The following UBR4 variants were observed in gnomAD, a reference collection of about 807,000 sequenced individuals.
UBR4 encodes E3 ubiquitin-protein ligase UBR4.
UBR4 carries 124 observed loss-of-function variants against 575.6 expected under a neutral mutation model. The ratio of observed to expected loss-of-function variants is 0.22; its 90% confidence interval spans 0.19 to 0.25. UBR4 has a LOEUF of 0.25. Ranked by LOEUF, UBR4 falls within the 10% of genes least tolerant of loss-of-function variation. The probability of loss-of-function intolerance (pLI) is 1.00; values close to 1 mark genes in which losing one functional copy is unlikely to be tolerated. For missense variants in UBR4, 4,818 were observed against 6,478.8 expected (o/e 0.74, Z 8.80); for synonymous variants, 2,455 against 2,473.7 (o/e 0.99, Z 0.22).
rs113236756 is a variant in UBR4, at chr1:19,173,511, G to A, written c.3093C>T (p.Ser1031=). ...NQLSMNSPEM[S]ECDILHTLRW... ...GCAGAGTGTGCAAGATGTCACATTC[G>A]CTCATCTCAGGTGAGTTCATGGATA... Residue 1031 remains serine, a synonymous_variant, in exon 23 of 106, where the codon AGC becomes AGT. Transcript: ENST00000375254. 136 of 1,614,122 alleles carry A rather than the reference G, an allele frequency of 8.4e-5. 1 individual carries two copies. In the African/African-American group the frequency reaches 1.4e-3, roughly 17 times the overall value.
intron 94 of UBR4, 68 bp downstream of exon 94, chr1:19,094,838 C>A: frequency 6.3e-7 from 1 of 1,587,514 alleles, no homozygotes; most frequent in South Asian, 1.1e-5. Context: ...CACAAACAGG[C>A]CTGTTGTGGG....
In UBR4 at chr1:19,157,741, G is replaced by T; in HGVS notation, c.5760+74C>A. The T allele has an allele frequency of 6.5e-7, 1 of 1,547,030 alleles. No individual in the cohort carries two copies. Among genetic ancestry groups the T allele is most frequent in the South Asian group, 1.2e-5 (1 of 82,356 alleles). On this transcript the variant is annotated intron_variant, in intron 40 of 105. Coordinates refer to ENST00000375254, the MANE Select transcript of UBR4 (RefSeq NM_020765.3). This position sits in a 1 kb window ranked among gnomAD's most constrained non-coding sequence, Gnocchi z 4.4. The stretch of plus-strand genomic sequence containing the variant: ...TCCCACAGAGGGCTAATCCGAATGT[G>T]GTCATCAATTTGTTTTGCTTAGCAT...
intron 33 of UBR4, 23 bp downstream of exon 33, chr1:19,164,230 C>T (rs2087909387): frequency 4.4e-6 from 7 of 1,602,832 alleles, no homozygotes; most frequent in Non-Finnish European, 6.0e-6. Flanking sequence ...TTGTAACCTA[C>T]AGATACAACT....
chr1:19,198,478 C>A, intron 5 of UBR4, 63 bp downstream of exon 5: 1 of 1,559,626 alleles, frequency 6.4e-7, no homozygotes, highest in Non-Finnish European at 8.7e-7. Flanking sequence ...CACTTTTTCT[C>A]CCCTAGTGTT....
At chr1:19,095,723 G>C (rs1432691110) in intron 92 of UBR4, 71 bp from the exon 93 acceptor site, 6 of 1,423,060 alleles carry the variant, frequency 4.2e-6, no homozygotes, top group African/African-American at 2.8e-5. Flanking sequence ...AGTAGGAAAG[G>C]GATGTCTAAG....
intron 8 of UBR4, among the ~76,000 whole-genome samples, chr1:19,196,402 C>T (rs1274995601): frequency 2.0e-5 from 3 of 152,184 alleles, no homozygotes; most frequent in African/African-American, 7.2e-5. Context: ...AGACTATCTG[C>T]TCAAATCTTC....
chr1:19,141,421 T>C lies in UBR4; in HGVS notation c.8414A>G (p.Asp2805Gly). 6.2e-7 allele frequency: 1 copy of C among 1,614,238 alleles called. No individual in the cohort carries two copies. The highest frequency in any genetic ancestry group is 8.5e-7 in the Non-Finnish European group (1 of 1,180,034). ...CTCGTCATCTGCATCAGGTGGGATG[T>C]CCAGCATGGGGGGGAAGCCCTCTGC... The part of the protein sequence containing the change: ...AGAEGFPPML[D>G]IPPDADDETM... Residue 2805 changes from aspartate to glycine, a missense_variant, in exon 57 of 106, where the codon GAC (aspartate) becomes GGC (glycine). Coordinates refer to ENST00000375254, the MANE Select transcript of UBR4 (RefSeq NM_020765.3).
intron 14 of UBR4, 48 bp downstream of exon 14, chr1:19,186,492 T>C: frequency 6.4e-7 from 1 of 1,554,288 alleles, no homozygotes; most frequent in East Asian, 2.3e-5. Context: ...AACACTCCTG[T>C]TGCACTCTAT....
In UBR4 at chr1:19,076,856, G is replaced by C. The variant is rs1227346416; in HGVS notation, c.15371C>G (p.Ala5124Gly). The C allele has an allele frequency of 6.2e-7, 1 of 1,609,228 alleles. No homozygotes were observed. Among genetic ancestry groups the C allele is most frequent in the South Asian group, 1.1e-5 (1 of 90,348 alleles). Residue 5124 changes from alanine (A) to glycine (G), a missense_variant, in exon 105 of 106, where the codon GCT (alanine) becomes GGT (glycine). This residue lies in a region of UBR4 where 212 missense variants were observed against 221.3 expected (regional missense o/e 0.96). Coordinates refer to ENST00000375254, the MANE Select transcript of UBR4 (RefSeq NM_020765.3). ...NTEGGWSCSL[A>G]EYIRHNDMPI... ...CATGTCGTTGTGGCGGATGTACTCA[G>C]CGAGAGAGCAGGACCAGCCTCCCTC...
intron 104 of UBR4, 63 bp downstream of exon 104, chr1:19,077,913 G>C (rs1279597447): frequency 6.2e-7 from 1 of 1,611,944 alleles, no homozygotes; most frequent in African/African-American, 1.3e-5. Flanking sequence ...CAGAGTCAGG[G>C]ACAGGAGTGC....
chr1:19,190,312 A>AAAAAAAAAAAAAAAAT, intron 11 of UBR4, among the ~76,000 whole-genome samples: 1 of 79,922 alleles, frequency 1.3e-5, no homozygotes, highest in Non-Finnish European at 2.3e-5. Context: ...AAAAAAAAAA[A>AAAAAAAAAAAAAAAAT]ATATATATAT....
chr1:19,117,622 A>T lies in UBR4; in HGVS notation c.10629+201T>A, dbSNP rs1570686073. Among the ~76,000 whole-genome samples the T allele has an allele frequency of 6.6e-6, 1 of 152,152 alleles. No homozygotes were observed. Among genetic ancestry groups the T allele is most frequent in the Non-Finnish European group, 1.5e-5 (1 of 68,022 alleles). On this transcript the variant is annotated intron_variant, in intron 72 of 105. Coordinates refer to ENST00000375254, the MANE Select transcript of UBR4 (RefSeq NM_020765.3). The surrounding 1 kb of genome is among the most constrained non-coding windows in gnomAD (Gnocchi z 4.0). ...GGGGATCCTCCCATCTTAGCCTCCCAAAGTACTGGGATTATAGGCTTGAGC... is the reference window on the plus strand; with the variant it reads ...GGGGATCCTCCCATCTTAGCCTCCCTAAGTACTGGGATTATAGGCTTGAGC...
intron 11 of UBR4, 126 bp downstream of exon 11, chr1:19,192,062 T>C: frequency 3.2e-6 from 3 of 924,308 alleles, no homozygotes; most frequent in Non-Finnish European, 4.8e-6. Flanking sequence ...ATTATCTTAG[T>C]TGCTAAATTC....
Position 19,164,861 on chromosome 1 carries a change from A to T in UBR4, c.4449T>A (p.Asp1483Glu). 6.2e-7 allele frequency: 1 copy of T among 1,614,206 alleles called. No homozygotes were observed. Among genetic ancestry groups the T allele is most frequent in the South Asian group, 1.1e-5 (1 of 91,082 alleles). The change falls in exon 32 of 106, where the codon GAT (aspartate) becomes GAA (glutamate). Residue 1483 changes from aspartate (D) to glutamate (E), a missense_variant. Coordinates refer to ENST00000375254, the MANE Select transcript of UBR4 (RefSeq NM_020765.3). ...GCAGCTGCCGGTTCTCCTGAATTAC[A>T]TCCAGCTGATCAGAATCTTTTGGGG... ...TSPPKDSDQL[D>E]VIQENRQLLQ...
In UBR4 at chr1:19,153,873, G is replaced by A. The variant is rs751172887; in HGVS notation, c.6525C>T (p.Gly2175=). 1.4e-5 allele frequency: 23 copies of A among 1,614,180 alleles called. No homozygotes were observed. The highest frequency in any genetic ancestry group is 1.3e-5 in the Non-Finnish European group (15 of 1,180,014). The change falls in exon 45 of 106, where the codon GGC becomes GGT. Residue 2175 remains glycine, a synonymous_variant. Transcript: ENST00000375254. The surrounding 1 kb of genome is among the most constrained non-coding windows in gnomAD (Gnocchi z 4.1). ...TAGTTTGCTGGACACAGCACACCAA[G>A]CCAGGGTGGTTCATCACCTCAGACC... ...CQWSEVMNHP[G]LVCCVQQTTG...
intron 44 of UBR4, 64 bp downstream of exon 44, chr1:19,154,854 G>A: frequency 6.3e-7 from 1 of 1,598,494 alleles, no homozygotes; most frequent in Non-Finnish European, 8.6e-7. Context: ...GCAGATAGTG[G>A]GAGTGGAGAT....
rs1252464823 is a variant in UBR4 at position 19,201,802 on chromosome 1, G to A, written c.190C>T (p.Leu64=). 1.2e-6 allele frequency: 2 copies of A among 1,613,914 alleles called. No individual in the cohort carries two copies. Among genetic ancestry groups the A allele is most frequent in the Non-Finnish European group, 1.7e-6 (2 of 1,179,870 alleles). ...GGCTCGTACTGCTTCTCATGGTGCAGGATTTCTGATTCACTGTAAAAATAA... is the reference window on the plus strand; with the variant it reads ...GGCTCGTACTGCTTCTCATGGTGCAAGATTTCTGATTCACTGTAAAAATAA... ...ASVIESESEI[L]HHEKQYEPFY... The change falls in exon 2 of 106, where the codon CTG becomes TTG. Residue 64 remains leucine, a synonymous_variant. Transcript: ENST00000375254.
rs762136844 is a variant in UBR4 at position 19,173,322 on chromosome 1, GAA to G, written c.3166-18_3166-17del. 1 of 1,613,450 alleles carries G rather than the reference GAA, an allele frequency of 6.2e-7. No individual in the cohort carries two copies. The highest frequency in any genetic ancestry group is 1.1e-5 in the South Asian group (1 of 90,988). The stretch of plus-strand genomic sequence containing the variant: ...TAAGGTGATCCTATTTGGACAGCAA[GAA>G]AAAGTGTTTAGGAGATGACTATAGG... On this transcript the variant is annotated splice_polypyrimidine_tract_variant and intron_variant, in intron 23 of 105. Transcript: ENST00000375254.
rs376154588 is a variant in UBR4, at chr1:19,124,498, T to G, written c.9588+43A>C. ...GGGCCCACAGAGGTGAATGCAGATG[T>G]GTCCTCAGCCCAACAAGCATGCAGC... is the stretch of plus-strand genomic sequence containing the variant. On this transcript the variant is annotated intron_variant, in intron 65 of 105. Coordinates refer to ENST00000375254, the MANE Select transcript of UBR4 (RefSeq NM_020765.3). 6.3e-5 allele frequency: 101 copies of G among 1,608,126 alleles called. No homozygotes were observed. The African/African-American group carries it at 1.1e-3, about 18-fold the overall frequency.
Sources: allele counts gnomAD v4.1 joint callset (sites outside exome capture counted in the v4.1 genomes callset), GRCh38; gene constraint gnomAD v4.1.1; regional missense constraint gnomAD v4.1.1; non-coding constraint Gnocchi (gnomAD v3.1); transcripts MANE v1.5; gene names NCBI Gene and HGNC (gene_info 2026-07-23, HGNC 2026-07-21).